The following BEGAIN variants were observed in gnomAD, a reference collection of about 807,000 sequenced individuals.
BEGAIN encodes brain enriched guanylate kinase associated.
A neutral mutation model predicts 35.8 loss-of-function variants in BEGAIN; 19 were observed. The ratio of observed to expected loss-of-function variants is 0.53; its 90% CI spans 0.37 to 0.78. The LOEUF (loss-of-function observed/expected upper bound fraction) is 0.78, where lower values mean the gene tolerates loss of function less well. Ranked by LOEUF, BEGAIN falls within the 30% of genes least tolerant of loss-of-function variation. The pLI is 0.00. For missense variants in BEGAIN, 795 were observed against 853.6 expected, an observed-to-expected ratio of 0.93 and a Z score of 0.85; for synonymous variants, 462 against 388.6, an observed-to-expected ratio of 1.19 and a Z score of -2.22.
At chr14:100,574,115 G>A (rs2035151062) in intron 1 of BEGAIN, among the ~76,000 whole-genome samples, 1 of 152,208 alleles carries the variant, frequency 6.6e-6, no homozygotes, top group Non-Finnish European at 1.5e-5. Flanking sequence ...CCTCGCTGGT[G>A]CTGGGCACGT....
In BEGAIN at chr14:100,558,623, T is replaced by A. The variant is rs1323471958; in HGVS notation, c.71+9288A>T. Among the ~76,000 whole-genome samples the A allele has an allele frequency of 6.6e-6, 1 of 152,118 alleles. No homozygotes were observed. Among genetic ancestry groups the A allele is most frequent in the Non-Finnish European group, 1.5e-5 (1 of 68,030 alleles). On this transcript the variant is annotated intron_variant, in intron 2 of 6. Transcript: ENST00000554140. This position sits in a 1 kb window ranked among gnomAD's most constrained non-coding sequence, Gnocchi z 4.6. Reference sequence around the variant, plus strand: ...TCTGCTGGGCGCAGCTGAGCTCCCATCGCCCCTACAAATCCACAGCCTACC... The same window carrying A: ...TCTGCTGGGCGCAGCTGAGCTCCCAACGCCCCTACAAATCCACAGCCTACC...
intron 1 of BEGAIN, among the ~76,000 whole-genome samples, chr14:100,575,641 G>T (rs1024418563): frequency 6.6e-6 from 1 of 152,148 alleles, no homozygotes; most frequent in Non-Finnish European, 1.5e-5. Flanking sequence ...TGGGGGGCTG[G>T]TGGGGGAAGG....
intron 3 of BEGAIN, chr14:100,545,377 C>T: frequency 3.3e-6 from 4 of 1,198,212 alleles, no homozygotes; most frequent in Non-Finnish European, 4.2e-6. Flanking sequence ...CACGCGGAGC[C>T]AGTTTACTCA....
Position 100,546,515 on chromosome 14 carries a change from C to T in BEGAIN, c.219G>A (p.Thr73=), listed in dbSNP as rs150444261. ...CCGCCCCTCACCTGCGCAGCTTCTC[C>T]GTGACCTTCTCCAGTTCCTCCTGCG... The part of the protein sequence containing the change: ...RRAQEELEKV[T]EKLRRIQSNY... The change falls in exon 3 of 7, where the codon ACG becomes ACA. Residue 73 remains threonine, a synonymous_variant. Coordinates refer to ENST00000554140, the MANE Select transcript of BEGAIN (RefSeq NM_001385089.1). The T allele has an allele frequency of 2.6e-6, 4 of 1,558,010 alleles. 1 individual carries two copies. The highest frequency in any genetic ancestry group is 3.4e-6 in the Non-Finnish European group (4 of 1,159,966).
In BEGAIN at chr14:100,558,042, G is replaced by A. The variant is rs1207457569; in HGVS notation, c.71+9869C>T. Among the ~76,000 whole-genome samples, 2 of 152,054 alleles carry A rather than the reference G, an allele frequency of 1.3e-5. No homozygotes were observed. Among genetic ancestry groups the A allele is most frequent in the South Asian group, 2.1e-4 (1 of 4,822 alleles). ...ACTGGCTTCCCCCAGCTGCAGGTGG[G>A]GCTCCAGCTAGTCTCCCTCGCTCCT... On this transcript the variant is annotated intron_variant, in intron 2 of 6. Coordinates refer to ENST00000554140, the MANE Select transcript of BEGAIN (RefSeq NM_001385089.1). The surrounding 1 kb of genome is among the most constrained non-coding windows in gnomAD (Gnocchi z 4.6).
rs1419288259 is a variant in BEGAIN at position 100,577,069 on chromosome 14, T to G, written c.43-9130A>C. Among the ~76,000 whole-genome samples the G allele has an allele frequency of 2.0e-5, 3 of 152,266 alleles. No homozygotes were observed. The East Asian group carries it at 5.8e-4, about 29-fold the overall frequency. On this transcript the variant is annotated intron_variant, in intron 1 of 6. Transcript: ENST00000554140. ...GTAAACCACCAAGGCTCTGCCGCAG[T>G]GGGGAGGGGATTATTATAATTGTTA...
chr14:100,567,225 G>A lies in BEGAIN; in HGVS notation c.71+686C>T, dbSNP rs2034764252. Among the ~76,000 whole-genome samples the A allele has an allele frequency of 6.6e-6, 1 of 152,202 alleles. No homozygotes were observed. The highest frequency in any genetic ancestry group is 2.1e-4 in the South Asian group (1 of 4,830). On this transcript the variant is annotated intron_variant, in intron 2 of 6. Coordinates refer to ENST00000554140, the MANE Select transcript of BEGAIN (RefSeq NM_001385089.1). The surrounding 1 kb of genome is among the most constrained non-coding windows in gnomAD (Gnocchi z 5.1). ...GGGTCAGGGTGCCAGGGGAAGTCGT[G>A]GAGGAAGTGGCAAATATTCAAACTG... is the stretch of plus-strand genomic sequence containing the variant.
At chr14:100,587,184 G>GGTGGCGCCCGCC (rs2035463828) in intron 1 of BEGAIN, 65 bp downstream of exon 1, 2 of 174,872 alleles carry the variant, frequency 1.1e-5, no homozygotes, top group South Asian at 2.4e-4. Flanking sequence ...CCCAGGCGTG[G>GGTGGCGCCCGCC]GTGGCGCCCG....
chr14:100,574,518 GTTTTTTTTTT>G, intron 1 of BEGAIN, among the ~76,000 whole-genome samples: 1 of 137,142 alleles, frequency 7.3e-6, no homozygotes, highest in South Asian at 2.4e-4. Flanking sequence ...CTGCACAAAG[GTTTTTTTTTT>G]TTTTTTTTTT....
chr14:100,555,785 G>A (rs908439911), intron 2 of BEGAIN, among the ~76,000 whole-genome samples: 4 of 152,198 alleles, frequency 2.6e-5, no homozygotes, highest in African/African-American at 9.7e-5. Context: ...TGGCCCCGGA[G>A]TCCAACAGGA....
At position 100,568,134 on chromosome 14, in the gene BEGAIN, C is replaced by A. The variant is rs2034874390; in HGVS notation, c.43-195G>T. On this transcript the variant is annotated intron_variant, in intron 1 of 6. Transcript: ENST00000554140. This position sits in a 1 kb window ranked among gnomAD's most constrained non-coding sequence, Gnocchi z 7.5. ...CTCAGTGGGCGCGCCGGGCCGCGGC[C>A]GAGTAACAGGTGAGCCCGCCCGGGC... 3.0e-6 allele frequency: 3 copies of A among 1,001,296 alleles called. No homozygotes were observed. The highest frequency in any genetic ancestry group is 3.6e-6 in the Non-Finnish European group (3 of 838,724). The allele number at this position is 1,001,296 out of a possible 1,614,324, so 62.0% of individuals were successfully genotyped here.
chr14:100,581,833 C>T (rs2035322900), intron 1 of BEGAIN, among the ~76,000 whole-genome samples: 1 of 152,242 alleles, frequency 6.6e-6, no homozygotes, highest in African/African-American at 2.4e-5. Flanking sequence ...ATGAGGCTGC[C>T]CACTGTCTGC....
In BEGAIN at chr14:100,538,123, T is replaced by C; in HGVS notation, c.1685A>G (p.Asp562Gly). 1 of 1,551,724 alleles carries C rather than the reference T, an allele frequency of 6.4e-7. No homozygotes were observed. Among genetic ancestry groups the C allele is most frequent in the South Asian group, 1.2e-5 (1 of 82,464 alleles). The change falls in exon 7 of 7, where the codon GAC becomes GGC. Residue 562 changes from aspartate to glycine, a missense_variant. Around this residue, in one of 3 missense-constraint regions of BEGAIN, gnomAD observed 664 missense variants for 647.7 expected, o/e 1.03. Transcript: ENST00000554140. ...SSPEPEQGSR[D>G]SLEPSSMEAS... ...CTCCATGGAGCTCGGCTCCAAGGAG[T>C]CCCTGGAACCCTGCTCGGGCTCAGG...
rs1373823351 is a variant in BEGAIN, at chr14:100,538,599, G to A, written c.1209C>T (p.Ala403=). The change falls in exon 7 of 7, where the codon GCC becomes GCT. Residue 403 remains alanine (A), a synonymous_variant. Coordinates refer to ENST00000554140, the MANE Select transcript of BEGAIN (RefSeq NM_001385089.1). The part of the protein sequence containing the change: ...PYPAETFRFP[A]SPGPQQALMP... Reference sequence around the variant, plus strand: ...TCAGGGCCTGCTGGGGACCCGGAGAGGCCGGGAAGCGGAAGGTCTCGGCCG... The same window carrying A: ...TCAGGGCCTGCTGGGGACCCGGAGAAGCCGGGAAGCGGAAGGTCTCGGCCG... The A allele has an allele frequency of 3.2e-6, 5 of 1,549,002 alleles. No individual in the cohort carries two copies. Among genetic ancestry groups the A allele is most frequent in the Non-Finnish European group, 4.4e-6 (5 of 1,146,338 alleles).
At position 100,539,196 on chromosome 14, in the gene BEGAIN, C is replaced by G; in HGVS notation, c.612G>C (p.Lys204Asn). 6.3e-7 allele frequency: 1 copy of G among 1,582,540 alleles called. No individual in the cohort carries two copies. The highest frequency in any genetic ancestry group is 8.6e-7 in the Non-Finnish European group (1 of 1,162,980). The change falls in exon 7 of 7, where the codon AAG becomes AAC. Residue 204 changes from lysine to asparagine, a missense_variant. Physicochemically the swap from Lys to Asn is moderately conservative, Grantham distance 94 (BLOSUM62 0). Transcript: ENST00000554140. ...ADSVPTCVIA[K>N]VLEKPDPASL... ...TGGCGGGGTCCGGCTTCTCCAGCAC[C>G]TTGGCAATGACGCAGGTGGGGACGC... is the stretch of plus-strand genomic sequence containing the variant.
rs1284330214 is a variant in BEGAIN, at chr14:100,573,137, C to A, written c.43-5198G>T. The stretch of plus-strand genomic sequence containing the variant: ...GGATGAAGTGAGCTGAGCCCAGTAG[C>A]AGATGAATCCCAAGGGGCCACTGGA... On this transcript the variant is annotated intron_variant, in intron 1 of 6. Coordinates refer to ENST00000554140, the MANE Select transcript of BEGAIN (RefSeq NM_001385089.1). The surrounding 1 kb of genome is among the most constrained non-coding windows in gnomAD (Gnocchi z 4.2). Among the ~76,000 whole-genome samples, 2 of 150,854 alleles carry A rather than the reference C, an allele frequency of 1.3e-5. No individual in the cohort carries two copies. Among genetic ancestry groups the A allele is most frequent in the African/African-American group, 2.4e-5 (1 of 40,894 alleles).
chr14:100,564,763 G>A (rs946588766), intron 2 of BEGAIN, among the ~76,000 whole-genome samples: 2 of 152,078 alleles, frequency 1.3e-5, no homozygotes, highest in African/African-American at 2.4e-5. Context: ...GAACACCAGG[G>A]GCCAGACCCC....
rs2031387178 is a variant in BEGAIN, at chr14:100,540,232, C to T, written c.492+264G>A. The T allele has an allele frequency of 7.6e-6, 4 of 528,180 alleles. No individual in the cohort carries two copies. The East Asian group carries it at 1.2e-4, about 16-fold the overall frequency. 32.7% of individuals were successfully genotyped at this position (528,180 alleles called of 1,614,324 possible). On this transcript the variant is annotated intron_variant, in intron 6 of 6. Transcript: ENST00000554140. ...GGAAGCAAGGACCTGGAGCAGCCCC[C>T]CAAAGGAAACCGAGGGCAACCAGCA...
intron 1 of BEGAIN, among the ~76,000 whole-genome samples, chr14:100,575,417 G>C (rs2035181374): frequency 6.6e-6 from 1 of 152,186 alleles, no homozygotes; most frequent in Non-Finnish European, 1.5e-5. Context: ...TCCTTCCCCA[G>C]TTATCTCTAA....
Sources: gnomAD v4.1 joint callset for allele counts (sites outside exome capture counted in the v4.1 genomes callset) on GRCh38, gnomAD v4.1.1 for gene constraint, gnomAD v4.1.1 regional missense constraint, Gnocchi (gnomAD v3.1) non-coding constraint, MANE v1.5 for transcripts, NCBI Gene and HGNC (gene_info 2026-07-23, HGNC 2026-07-21) for gene names.